Variants in MIB1 observed in about 807,000 individuals in gnomAD.
The protein encoded by MIB1 is MIB E3 ubiquitin protein ligase 1.
In MIB1, 278 loss-of-function variants were observed where a neutral mutation model predicts 124.5. The observed-to-expected ratio is 2.23, with a 90% CI of 2.02 to 2.47. The LOEUF is 2.47. Ranked by LOEUF, MIB1 falls within the 30% of genes most tolerant of loss-of-function variation. The probability of loss-of-function intolerance (pLI) is 0.00; values close to 1 mark genes in which losing one functional copy is unlikely to be tolerated. For synonymous variants in MIB1, 446 were observed against 429.4 expected (o/e 1.04, Z -0.48); for missense variants, 957 against 1,254.4 (o/e 0.76, Z 3.58).
At chr18:21,831,786 T>C (rs2041986069) in intron 12 of MIB1, among the ~76,000 whole-genome samples, 1 of 152,016 alleles carries the variant, frequency 6.6e-6, no homozygotes, top group Admixed American at 6.6e-5. Flanking sequence ...TTAGAAGCAC[T>C]GCAGAGAAAA....
chr18:21,810,657 G>A (rs999994529), intron 10 of MIB1, among the ~76,000 whole-genome samples: 24 of 151,604 alleles, frequency 1.6e-4, no homozygotes, highest in African/African-American at 5.3e-4. Context: ...TAAACAAATG[G>A]TGCTTGGGCA....
intron 12 of MIB1, among the ~76,000 whole-genome samples, chr18:21,833,974 G>T (rs45594134): frequency 1.3e-5 from 2 of 152,164 alleles, no homozygotes; most frequent in Non-Finnish European, 2.9e-5. Flanking sequence ...TGCTCCACAG[G>T]TGAGACAGTC....
intron 6 of MIB1, among the ~76,000 whole-genome samples, chr18:21,785,534 A>G (rs2041425146): frequency 6.6e-6 from 1 of 152,190 alleles, no homozygotes; most frequent in African/African-American, 2.4e-5. Context: ...CCACATTGTG[A>G]CTTGTTGTCT....
intron 15 of MIB1, among the ~76,000 whole-genome samples, chr18:21,845,120 C>T (rs1229365741): frequency 6.6e-6 from 1 of 152,164 alleles, no homozygotes; most frequent in East Asian, 1.9e-4. Context: ...AAGTAATTCT[C>T]CTGCCTCAGC....
At chr18:21,842,194 C>T (rs919871352) in intron 13 of MIB1, among the ~76,000 whole-genome samples, 1 of 151,576 alleles carries the variant, frequency 6.6e-6, no homozygotes, top group African/African-American at 2.4e-5. Context: ...GAGAAATTCC[C>T]ATCTTGAAGA....
At chr18:21,859,474 C>T (rs9973098) in intron 20 of MIB1, among the ~76,000 whole-genome samples, 1 of 151,468 alleles carries the variant, frequency 6.6e-6, no homozygotes, top group African/African-American at 2.4e-5. Context: ...AGGGAAGTTT[C>T]TAGAGTCTGG....
chr18:21,838,397 GAC>G lies in MIB1; in HGVS notation c.1863_1864del (p.Arg621SerfsTer6). The G allele has an allele frequency of 6.2e-7, 1 of 1,605,212 alleles. No homozygotes were observed. Among genetic ancestry groups the G allele is most frequent in the Non-Finnish European group, 8.5e-7 (1 of 1,174,706 alleles). On this transcript the variant is annotated frameshift_variant, in exon 13 of 21. Transcript: ENST00000261537. LOFTEE classifies it high-confidence loss of function. ...CGTGTTTTACTATCTAAATTACCAA[GAC>G]CATGGATTGTGGATGAGAAGAAAGA...
At chr18:21,822,294 T>A (rs1201851595) in intron 12 of MIB1, among the ~76,000 whole-genome samples, 2 of 152,202 alleles carry the variant, frequency 1.3e-5, no homozygotes, top group East Asian at 3.8e-4. Flanking sequence ...ATATTTTGAG[T>A]TGTTTCATTT....
intron 6 of MIB1, among the ~76,000 whole-genome samples, chr18:21,784,203 C>T (rs1400514065): frequency 6.6e-6 from 1 of 152,040 alleles, no homozygotes; most frequent in Non-Finnish European, 1.5e-5. Flanking sequence ...CGCGTGCCAC[C>T]ACACCCAGCT....
intron 12 of MIB1, among the ~76,000 whole-genome samples, chr18:21,834,744 GA>G (rs1302423176): frequency 3.9e-5 from 6 of 152,254 alleles, no homozygotes; most frequent in Admixed American, 3.9e-4. Context: ...GAAAGTCTGG[GA>G]AACTGTCACA....
intron 5 of MIB1, among the ~76,000 whole-genome samples, chr18:21,778,737 A>T (rs2041322408): frequency 1.3e-5 from 2 of 152,054 alleles, no homozygotes; most frequent in South Asian, 4.2e-4. Context: ...TCTCCTTCCA[A>T]ATCATTTGAC....
chr18:21,863,384 C>G (rs2042293420), intron 20 of MIB1, among the ~76,000 whole-genome samples: 1 of 152,254 alleles, frequency 6.6e-6, no homozygotes, highest in South Asian at 2.1e-4. Context: ...GTCCAGTGTT[C>G]AAGAAGAATG....
At chr18:21,789,291 C>G (rs1407001765) in intron 6 of MIB1, among the ~76,000 whole-genome samples, 4 of 151,908 alleles carry the variant, frequency 2.6e-5, no homozygotes. Context: ...CCCTGTGAGT[C>G]TGTGTTTCTT....
intron 10 of MIB1, among the ~76,000 whole-genome samples, chr18:21,814,035 A>G (rs1372824246): frequency 6.6e-6 from 1 of 152,142 alleles, no homozygotes; most frequent in African/African-American, 2.4e-5. Context: ...TATGTATACT[A>G]CCTTCATGGC....
intron 12 of MIB1, among the ~76,000 whole-genome samples, chr18:21,822,982 C>A (rs189546703): frequency 5.7e-4 from 86 of 152,014 alleles, no homozygotes; most frequent in Non-Finnish European, 1.0e-3. Context: ...GCCTATAATC[C>A]CAGCACTTTG....
intron 10 of MIB1, among the ~76,000 whole-genome samples, chr18:21,805,694 A>G (rs954933380): frequency 8.6e-5 from 12 of 140,290 alleles, no homozygotes; most frequent in African/African-American, 3.0e-4. Flanking sequence ...AAGAAGCTGA[A>G]AAACCACATT....
chr18:21,744,907 A>C (rs2040895460), intron 1 of MIB1, among the ~76,000 whole-genome samples: 1 of 152,200 alleles, frequency 6.6e-6, no homozygotes. Context: ...TTGTGAAAAT[A>C]CTTTTGACTT....
At chr18:21,819,104 C>G (rs975561036) in intron 11 of MIB1, among the ~76,000 whole-genome samples, 2 of 152,170 alleles carry the variant, frequency 1.3e-5, no homozygotes, top group Admixed American at 1.3e-4. Flanking sequence ...GTGGCATGAT[C>G]ATAGCTCACT....
chr18:21,822,076 A>G (rs1248806750), intron 12 of MIB1, among the ~76,000 whole-genome samples: 1 of 152,216 alleles, frequency 6.6e-6, no homozygotes, highest in Non-Finnish European at 1.5e-5. Flanking sequence ...CAGTGAGCAC[A>G]CTGTTAAATA....
Sources: gnomAD v4.1 joint callset for allele counts (sites outside exome capture counted in the v4.1 genomes callset) on GRCh38, gnomAD v4.1.1 for gene constraint, MANE v1.5 for transcripts, NCBI Gene and HGNC (gene_info 2026-07-23, HGNC 2026-07-21) for gene names.